ADGRG5: variants seen among roughly 807,000 people sequenced by gnomAD.
The protein encoded by ADGRG5 is adhesion G protein-coupled receptor G5.
In ADGRG5, 37 loss-of-function variants were observed where a neutral mutation model predicts 53.2. The ratio of observed to expected loss-of-function variants is 0.70; its 90% CI spans 0.53 to 0.91. The LOEUF (loss-of-function observed/expected upper bound fraction) is 0.91. Ranked by LOEUF, ADGRG5 falls within the 40% of genes least tolerant of loss-of-function variation. ADGRG5 has a pLI of 0.00. For missense variants in ADGRG5, 614 were observed against 675.8 expected (o/e 0.91, Z 1.01); for synonymous variants, 277 against 290.4 (o/e 0.95, Z 0.47).
At position 57,575,619 on chromosome 16, in the gene ADGRG5, A is replaced by G. The variant is rs2033496354; in HGVS notation, c.*81A>G. ...TACGGCTCCTGCTAGAGAGGGTGGC[A>G]GGCCTGCTGCTGGACCCCAGAGGCC... On this transcript the variant is annotated 3_prime_UTR_variant, in exon 12 of 12. Coordinates refer to ENST00000349457, the MANE Select transcript of ADGRG5 (RefSeq NM_001304376.3). The G allele has an allele frequency of 8.5e-7, 1 of 1,173,932 alleles. No homozygotes were observed. The highest frequency in any genetic ancestry group is 1.3e-6 in the Non-Finnish European group (1 of 797,776). The allele number at this position is 1,173,932 out of a possible 1,614,324, so 72.7% of individuals were successfully genotyped here. A position where few individuals can be genotyped will look rare whatever the true frequency, so the allele number is the denominator to read the frequency against.
chr16:57,557,654 T>C (rs2032913168), intron 1 of ADGRG5, among the ~76,000 whole-genome samples: 2 of 152,250 alleles, frequency 1.3e-5, no homozygotes, highest in South Asian at 4.1e-4. Context: ...TGTTAATTTT[T>C]ATTTTCACTC....
At chr16:57,546,451 G>A (rs1304728517) in intron 1 of ADGRG5, among the ~76,000 whole-genome samples, 2 of 152,300 alleles carry the variant, frequency 1.3e-5, no homozygotes, top group African/African-American at 4.8e-5. Context: ...TATTGGGTTA[G>A]ACTTTTCCTT....
At position 57,574,812 on chromosome 16, in the gene ADGRG5, C is replaced by A. The variant is rs751694039; in HGVS notation, c.1209-3C>A. On this transcript the variant is annotated splice_region_variant and splice_polypyrimidine_tract_variant and intron_variant, in intron 10 of 11. Transcript: ENST00000349457. The surrounding 1 kb of genome is among the most constrained non-coding windows in gnomAD (Gnocchi z 4.4). ...GAGCCTGACACGTCACCCTCCCCTGCAGATGCTGGGTGCGGAGCCCCGTGG... is the reference window on the plus strand; with the variant it reads ...GAGCCTGACACGTCACCCTCCCCTGAAGATGCTGGGTGCGGAGCCCCGTGG... 1 of 1,564,598 alleles carries A rather than the reference C, an allele frequency of 6.4e-7. No homozygotes were observed. Among genetic ancestry groups the A allele is most frequent in the Admixed American group, 1.8e-5 (1 of 56,694 alleles).
At chr16:57,536,563 T>A in the ADGRG5 span, 2 of 152,072 alleles carry the variant, frequency 1.3e-5, no homozygotes. Context: ...GCGGGCACCG[T>A]GCAGCTGCGA....
At chr16:57,531,747 T>A in the ADGRG5 span, among the ~76,000 whole-genome samples, 5 of 152,122 alleles carry the variant, frequency 3.3e-5, no homozygotes, top group Admixed American at 1.3e-4. Flanking sequence ...CCAGCTCACC[T>A]TCTGTGCTCC....
chr16:57,546,265 T>C (rs539595922), intron 1 of ADGRG5, among the ~76,000 whole-genome samples: 21 of 152,152 alleles, frequency 1.4e-4, no homozygotes, highest in Non-Finnish European at 2.6e-4. Flanking sequence ...CTGAAACTAC[T>C]GGGTGCATGG....
the ADGRG5 span, among the ~76,000 whole-genome samples, chr16:57,531,569 CCA>C: frequency 6.6e-6 from 1 of 152,124 alleles, no homozygotes; most frequent in Non-Finnish European, 1.5e-5. Context: ...AAGAACCTGA[CCA>C]CTCTGATGGC....
chr16:57,554,435 G>A (rs1198979075), intron 1 of ADGRG5, among the ~76,000 whole-genome samples: 1 of 151,120 alleles, frequency 6.6e-6, no homozygotes, highest in Admixed American at 6.6e-5. Context: ...GGAGTGCAGT[G>A]GCGCAATCTC....
rs546833308 is a variant in ADGRG5, at chr16:57,575,128, G to T, written c.1486+36G>T. 133 of 1,586,942 alleles carry T rather than the reference G, an allele frequency of 8.4e-5. 1 individual carries two copies. In the South Asian group the frequency reaches 1.4e-3, roughly 17 times the overall value. ...AGGGCGGCCTGGAGGAAGCTACCTG[G>T]CAGGGGGTGTATGGCTGGTGGGATG... On this transcript the variant is annotated intron_variant, in intron 11 of 11. Coordinates refer to ENST00000349457, the MANE Select transcript of ADGRG5 (RefSeq NM_001304376.3).
Position 57,575,056 on chromosome 16 carries a change from C to T in ADGRG5, c.1450C>T (p.Gln484Ter). The change falls in exon 11 of 12, where the codon CAG becomes TAG. Residue 484 changes from glutamine to a stop codon, truncating the protein, a stop_gained. Transcript: ENST00000349457. LOFTEE classifies it high-confidence loss of function. ...FFSFGVFLLP[Q>*]LFLFTILNSL... Reference sequence around the variant, plus strand: ...TTCTTTTGGCGTCTTCCTGCTGCCCCAGCTGTTCCTCTTCACCATCTTAAA... The same window carrying T: ...TTCTTTTGGCGTCTTCCTGCTGCCCTAGCTGTTCCTCTTCACCATCTTAAA... 2 of 1,613,902 alleles carry T rather than the reference C, an allele frequency of 1.2e-6. No homozygotes were observed. The highest frequency in any genetic ancestry group is 8.5e-7 in the Non-Finnish European group (1 of 1,179,970).
At position 57,569,587 on chromosome 16, in the gene ADGRG5, G is replaced by A. The variant is rs867395754; in HGVS notation, c.1091-831G>A. ...CTCCTCTACCTCCATCATCACCATC[G>A]CCTCCTCCATCTCCTCCACCTCTAT... On this transcript the variant is annotated intron_variant, in intron 9 of 11. Transcript: ENST00000349457. Among the ~76,000 whole-genome samples, 218 of 78,038 alleles carry A rather than the reference G, an allele frequency of 2.8e-3. 1 individual carries two copies. In the Middle Eastern group the frequency reaches 0.037, roughly 13 times the overall value. The allele number at this position is 78,038 out of a possible 152,430, so 51.2% of individuals were successfully genotyped here.
chr16:57,562,944 C>A, intron 3 of ADGRG5, 147 bp from the exon 4 acceptor site: 1 of 712,986 alleles, frequency 1.4e-6, no homozygotes, highest in South Asian at 1.7e-5. Context: ...AACAGTGTGC[C>A]AAGGACACTG....
At chr16:57,533,421 A>G in the ADGRG5 span, among the ~76,000 whole-genome samples, 1 of 149,388 alleles carries the variant, frequency 6.7e-6, no homozygotes, top group African/African-American at 2.5e-5. Flanking sequence ...ACCCTGCCCC[A>G]CTCATACAGC....
intron 9 of ADGRG5, among the ~76,000 whole-genome samples, chr16:57,568,610 C>T (rs1454714264): frequency 6.6e-6 from 1 of 151,526 alleles, no homozygotes; most frequent in East Asian, 2.0e-4. Context: ...ATCATCATCA[C>T]CTCCTCCACC....
At chr16:57,566,558 T>C (rs759845815) in intron 6 of ADGRG5, 41 bp from the exon 7 acceptor site, 32 of 1,396,764 alleles carry the variant, frequency 2.3e-5, no homozygotes, top group Admixed American at 2.9e-5. Flanking sequence ...ATCTGCAGCC[T>C]TTCCTCTGCA....
upstream of ADGRG5, among the ~76,000 whole-genome samples, chr16:57,541,928 C>T (rs1302209085): frequency 1.3e-5 from 2 of 152,104 alleles, no homozygotes; most frequent in African/African-American, 2.4e-5. Context: ...GCCAGGGAGG[C>T]CCCTCTCCAC....
chr16:57,562,497 T>G (rs745995392), intron 3 of ADGRG5, 38 bp downstream of exon 3: 5 of 1,423,418 alleles, frequency 3.5e-6, no homozygotes, highest in African/African-American at 2.8e-5. Context: ...GCCTGCACCT[T>G]GAATCAGTGG....
chr16:57,554,991 G>GT (rs564319264), intron 1 of ADGRG5, among the ~76,000 whole-genome samples: 2 of 151,940 alleles, frequency 1.3e-5, no homozygotes, highest in Admixed American at 6.6e-5. Context: ...GCCTCTTTAT[G>GT]TTTTTTAATT....
At chr16:57,540,536 G>A (rs1361230226), upstream of ADGRG5, among the ~76,000 whole-genome samples, 19 of 152,204 alleles carry the variant, frequency 1.2e-4, no homozygotes, top group African/African-American at 4.6e-4. Flanking sequence ...AGAGTGTTTT[G>A]TAGAGGAGCA....
Sources: gnomAD v4.1 joint callset for allele counts (sites outside exome capture counted in the v4.1 genomes callset) on GRCh38, gnomAD v4.1.1 for gene constraint, Gnocchi (gnomAD v3.1) non-coding constraint, MANE v1.5 for transcripts, NCBI Gene and HGNC (gene_info 2026-07-23, HGNC 2026-07-21) for gene names.